The following PTPRG variants were observed in gnomAD, a reference collection of about 807,000 sequenced individuals.
PTPRG encodes the protein protein tyrosine phosphatase receptor type G.
PTPRG carries 102 observed loss-of-function variants against 165.3 expected under a neutral mutation model. The ratio of observed to expected loss-of-function variants is 0.62; its 90% CI spans 0.53 to 0.73. PTPRG has a LOEUF of 0.73. Ranked by LOEUF, PTPRG falls within the 30% of genes least tolerant of loss-of-function variation. The pLI, the probability that PTPRG is intolerant of heterozygous loss-of-function variation, is 0.00. For missense variants in PTPRG, 1,866 were observed against 1,861.4 expected (o/e 1.00, Z -0.05); for synonymous variants, 675 against 669.5 (o/e 1.01, Z -0.13).
rs186871202 is a variant in PTPRG at position 61,818,987 on chromosome 3, T to C, written c.190+70005T>C. Among the ~76,000 whole-genome samples, 8 of 151,996 alleles carry C rather than the reference T, an allele frequency of 5.3e-5. No individual in the cohort carries two copies. The East Asian group carries it at 9.7e-4, about 18-fold the overall frequency. ...CTCAAATCATCCCAGATAAATAATA[T>C]AGAGAAAGTATGGGTCATTCATGAA... On this transcript the variant is annotated intron_variant, in intron 2 of 29. Transcript: ENST00000474889.
intron 2 of PTPRG, among the ~76,000 whole-genome samples, chr3:61,854,324 C>T (rs775941144): frequency 2.0e-4 from 30 of 152,120 alleles, no homozygotes; most frequent in Non-Finnish European, 4.1e-4. Context: ...AACATTGAGC[C>T]TCGGTTTCTT....
chr3:62,201,671 A>G (rs961379338), intron 11 of PTPRG, 117 bp downstream of exon 11: 1 of 814,510 alleles, frequency 1.2e-6, no homozygotes, highest in African/African-American at 1.7e-5. Context: ...TAAAGCGGTT[A>G]TAGTAGAGAA....
intron 8 of PTPRG, among the ~76,000 whole-genome samples, chr3:62,174,674 A>G (rs1434357577): frequency 1.1e-4 from 16 of 152,354 alleles, no homozygotes; most frequent in South Asian, 1.0e-3. Flanking sequence ...CATTGAAATC[A>G]TGGTTTTCTG....
At chr3:62,068,287 T>C (rs1701087339) in intron 4 of PTPRG, among the ~76,000 whole-genome samples, 1 of 152,118 alleles carries the variant, frequency 6.6e-6, no homozygotes, top group East Asian at 1.9e-4. Flanking sequence ...GCAGGGGCAG[T>C]GCCTGGCTCT....
intron 1 of PTPRG, among the ~76,000 whole-genome samples, chr3:61,672,049 G>A (rs1392749630): frequency 4.2e-5 from 6 of 141,898 alleles, no homozygotes; most frequent in Admixed American, 7.0e-5. Context: ...CAGACGGGGC[G>A]GCTGGGCAGA....
In PTPRG at chr3:61,986,929, T is replaced by TC. The variant is rs1424383456; in HGVS notation, c.191-2695dup. Among the ~76,000 whole-genome samples the TC allele has an allele frequency of 4.3e-4, 64 of 149,568 alleles. 2 individuals carry two copies. Among genetic ancestry groups the TC allele is most frequent in the Non-Finnish European group, 1.5e-5 (1 of 67,172 alleles). On this transcript the variant is annotated intron_variant, in intron 2 of 29. Coordinates refer to ENST00000474889, the MANE Select transcript of PTPRG (RefSeq NM_002841.4). Reference sequence around the variant, plus strand: ...GTCTTTATTTAGTATCTTTTTTTTTTCTTTTACTTAAAAGTATTTATTCAA... The same window carrying TC: ...GTCTTTATTTAGTATCTTTTTTTTTTCCTTTTACTTAAAAGTATTTATTCAA...
chr3:61,871,844 CCT>C (rs2037594531), intron 2 of PTPRG, among the ~76,000 whole-genome samples: 1 of 152,094 alleles, frequency 6.6e-6, no homozygotes, highest in Admixed American at 6.6e-5. Context: ...TCAGTTGCTC[CCT>C]CTCTCTTTCT....
chr3:62,176,933 A>G (rs1238988795), intron 8 of PTPRG, among the ~76,000 whole-genome samples: 1 of 152,136 alleles, frequency 6.6e-6, no homozygotes, highest in Non-Finnish European at 1.5e-5. Flanking sequence ...ACCTTGCTCA[A>G]GCTAATATCT....
Position 61,606,581 on chromosome 3 carries a change from T to C in PTPRG, c.85+44209T>C, listed in dbSNP as rs536139285. On this transcript the variant is annotated intron_variant, in intron 1 of 29. Transcript: ENST00000474889. ...CCATGTATGTTGTTATAACAAAATA[T>C]CTGCAACCAGGTAACTTATAAAGAA... 2.0e-5 allele frequency among the ~76,000 whole-genome samples: 3 copies of C among 152,312 alleles called. No homozygotes were observed. In the East Asian group the frequency reaches 5.8e-4, roughly 29 times the overall value.
chr3:61,926,201 C>T (rs532072940), intron 2 of PTPRG, among the ~76,000 whole-genome samples: 1 of 152,184 alleles, frequency 6.6e-6, no homozygotes, highest in Non-Finnish European at 1.5e-5. Flanking sequence ...TGATATGGTT[C>T]GGATCTGTGT....
intron 2 of PTPRG, among the ~76,000 whole-genome samples, chr3:61,918,453 T>A (rs984652243): frequency 1.3e-5 from 2 of 152,192 alleles, no homozygotes; most frequent in Non-Finnish European, 2.9e-5. Flanking sequence ...TGCATTGTGG[T>A]ACTCTGAAGA....
intron 4 of PTPRG, among the ~76,000 whole-genome samples, chr3:62,033,999 C>T (rs114514853): frequency 0.014 from 2,160 of 152,210 alleles, 42 homozygotes; most frequent in African/African-American, 0.05. Flanking sequence ...CACCTGACCT[C>T]AGATAATCCT....
At chr3:62,253,175 T>G (rs548284007) in intron 15 of PTPRG, among the ~76,000 whole-genome samples, 1 of 152,184 alleles carries the variant, frequency 6.6e-6, no homozygotes, top group Non-Finnish European at 1.5e-5. Flanking sequence ...AATGCTGTGG[T>G]TTTTACCTTA....
At chr3:61,858,451 T>C (rs951919644) in intron 2 of PTPRG, among the ~76,000 whole-genome samples, 2 of 152,214 alleles carry the variant, frequency 1.3e-5, no homozygotes, top group Admixed American at 6.5e-5. Context: ...CCATTTGCTT[T>C]GCAAAACAAA....
Position 62,218,995 on chromosome 3 carries a change from A to G in PTPRG, c.2288+12A>G, listed in dbSNP as rs911153700. On this transcript the variant is annotated intron_variant, in intron 13 of 29. Transcript: ENST00000474889. ...CTCGTTTACTGGAGGTAAGCCAGGC[A>G]GCACCTACAGCGTAGATTTGGGGGC... is the stretch of plus-strand genomic sequence containing the variant. 1.2e-6 allele frequency: 2 copies of G among 1,613,326 alleles called. No individual in the cohort carries two copies. The highest frequency in any genetic ancestry group is 2.2e-5 in the East Asian group (1 of 44,848).
chr3:62,271,676 G>A lies in PTPRG; in HGVS notation c.3182+121G>A, dbSNP rs945433680. On this transcript the variant is annotated intron_variant, in intron 21 of 29. Transcript: ENST00000474889. The surrounding 1 kb of genome is among the most constrained non-coding windows in gnomAD (Gnocchi z 4.1). ...AGCTGAATCTTCCACTGGAAACTGG[G>A]ATGGATAAGACCTATGATAGTCTTA... 1 of 850,636 alleles carries A rather than the reference G, an allele frequency of 1.2e-6. No individual in the cohort carries two copies. Among genetic ancestry groups the A allele is most frequent in the Non-Finnish European group, 1.8e-6 (1 of 566,260 alleles). 52.7% of individuals were successfully genotyped at this position (850,636 alleles called of 1,614,324 possible).
chr3:62,021,118 A>G (rs2041679370), intron 4 of PTPRG, among the ~76,000 whole-genome samples: 1 of 141,296 alleles, frequency 7.1e-6, no homozygotes, highest in Non-Finnish European at 1.5e-5. Flanking sequence ...TTTAATACGA[A>G]TACCTGCGTG....
At chr3:62,268,114 G>C (rs986286055) in intron 19 of PTPRG, among the ~76,000 whole-genome samples, 2 of 151,976 alleles carry the variant, frequency 1.3e-5, no homozygotes, top group Non-Finnish European at 2.9e-5. Flanking sequence ...CTTGAGACTT[G>C]AACAATGATT....
chr3:61,745,128 G>A (rs2033148781), intron 1 of PTPRG, among the ~76,000 whole-genome samples: 2 of 139,234 alleles, frequency 1.4e-5, no homozygotes, highest in Non-Finnish European at 3.0e-5. Context: ...TCGGCTCTCT[G>A]CAAGCTCCGC....
Sources: allele counts gnomAD v4.1 joint callset (sites outside exome capture counted in the v4.1 genomes callset), GRCh38; gene constraint gnomAD v4.1.1; non-coding constraint Gnocchi (gnomAD v3.1); transcripts MANE v1.5; gene names NCBI Gene and HGNC (gene_info 2026-07-23, HGNC 2026-07-21).